SGK1: variants seen among roughly 807,000 people sequenced by gnomAD.
SGK1 encodes the protein serum/glucocorticoid regulated kinase 1, also known as serine/threonine-protein kinase Sgk1.
SGK1 carries 26 observed loss-of-function variants against 64.2 expected under a neutral mutation model. The ratio of observed to expected loss-of-function variants is 0.40; its 90% CI spans 0.30 to 0.56. SGK1 has a LOEUF of 0.56. SGK1 is among the 20% of genes least tolerant of loss of function. The pLI is 0.38. For missense variants in SGK1, 519 were observed against 645.6 expected, an observed-to-expected ratio of 0.80 and a Z score of 2.12; for synonymous variants, 265 against 239.7, an observed-to-expected ratio of 1.11 and a Z score of -0.98.
chr6:134,181,832 C>A (rs1476944083), intron 3 of SGK1, among the ~76,000 whole-genome samples: 1 of 152,136 alleles, frequency 6.6e-6, no homozygotes, highest in East Asian at 1.9e-4. Context: ...TTGGCGACAA[C>A]TGAGGCTTGC....
At chr6:134,222,493 G>A (rs1038334323) in intron 2 of SGK1, among the ~76,000 whole-genome samples, 7 of 151,812 alleles carry the variant, frequency 4.6e-5, no homozygotes, top group African/African-American at 1.2e-4. Context: ...CCACCACCAC[G>A]CCTGGCTAAT....
chr6:134,224,158 C>A (rs565611692), intron 2 of SGK1, among the ~76,000 whole-genome samples: 1 of 152,178 alleles, frequency 6.6e-6, no homozygotes, highest in Non-Finnish European at 1.5e-5. Flanking sequence ...ACCATGAATA[C>A]AGCTTTTACA....
chr6:134,170,458 C>T lies in SGK1; in HGVS notation c.1414-23G>A, dbSNP rs761801421. 3.1e-6 allele frequency: 5 copies of T among 1,600,750 alleles called. No homozygotes were observed. In the South Asian group the frequency reaches 5.5e-5, roughly 18 times the overall value. On this transcript the variant is annotated intron_variant, in intron 13 of 13. Coordinates refer to ENST00000367858, the MANE Select transcript of SGK1 (RefSeq NM_001143676.3). ...ACTCTGTGACGGGAAGGGAAAAACA[C>T]TCTTGTCAAGAACTCACACTAGACA...
In SGK1 at chr6:134,170,406, G is replaced by A; in HGVS notation, c.1443C>T (p.Asp481=). 1 of 1,613,760 alleles carries A rather than the reference G, an allele frequency of 6.2e-7. No homozygotes were observed. The highest frequency in any genetic ancestry group is 1.7e-4 in the Middle Eastern group (1 of 6,040). Residue 481 remains aspartate, a synonymous_variant, in exon 14 of 14, where the codon GAC becomes GAT. Transcript: ENST00000367858. The part of the protein sequence containing the change: ...VSGPNDLRHF[D]PEFTEEPVPN... Reference sequence around the variant, plus strand: ...GGACAGGCTCTTCGGTAAACTCGGGGTCAAAGTGCCGTAGGTCGTTGGGCC... The same window carrying A: ...GGACAGGCTCTTCGGTAAACTCGGGATCAAAGTGCCGTAGGTCGTTGGGCC...
intron 1 of SGK1, among the ~76,000 whole-genome samples, chr6:134,307,405 C>T (rs9493895): frequency 0.13 from 20,025 of 152,152 alleles, 1,682 homozygotes; most frequent in African/African-American, 0.23. Context: ...TATTGACGTT[C>T]GTTGTAGAAA....
At chr6:134,241,760 A>G (rs974376687) in intron 2 of SGK1, among the ~76,000 whole-genome samples, 1 of 152,064 alleles carries the variant, frequency 6.6e-6, no homozygotes, top group East Asian at 1.9e-4. Flanking sequence ...AGCTGGGACT[A>G]CAGGCGCCCG....
At chr6:134,218,848 T>G (rs1776032054) in intron 2 of SGK1, 1 of 151,982 alleles carries the variant, frequency 6.6e-6, no homozygotes, top group Non-Finnish European at 1.5e-5. Flanking sequence ...TTTAAGGGAG[T>G]CCATCTTACC....
At chr6:134,305,109 A>C (rs768182377) in intron 1 of SGK1, among the ~76,000 whole-genome samples, 13 of 152,042 alleles carry the variant, frequency 8.6e-5, no homozygotes, top group Non-Finnish European at 1.5e-4. Context: ...CAATCCCAAA[A>C]CACTTTGGGA....
intron 1 of SGK1, among the ~76,000 whole-genome samples, chr6:134,296,791 A>AC (rs1259307305): frequency 6.6e-6 from 1 of 151,784 alleles, no homozygotes; most frequent in Non-Finnish European, 1.5e-5. Flanking sequence ...AAAAAAAAAA[A>AC]AAAAAAACAG....
intron 3 of SGK1, among the ~76,000 whole-genome samples, chr6:134,182,286 G>A (rs931208736): frequency 6.6e-6 from 1 of 152,008 alleles, no homozygotes; most frequent in East Asian, 1.9e-4. Flanking sequence ...GATGGTTTAT[G>A]CCTGTAATCC....
At chr6:134,311,679 C>T (rs1777610608) in intron 1 of SGK1, among the ~76,000 whole-genome samples, 1 of 151,780 alleles carries the variant, frequency 6.6e-6, no homozygotes, top group Non-Finnish European at 1.5e-5. Flanking sequence ...ACCTTCCTGC[C>T]CTGTGGGAGC....
intron 1 of SGK1, among the ~76,000 whole-genome samples, chr6:134,286,406 C>T (rs145591241): frequency 2.4e-3 from 364 of 152,022 alleles, no homozygotes; most frequent in African/African-American, 8.4e-3. Flanking sequence ...TGCAGTAAGC[C>T]GTGATTGCCA....
At chr6:134,228,595 C>T (rs1570306) in intron 2 of SGK1, among the ~76,000 whole-genome samples, 148,539 of 152,308 alleles carry the variant, frequency 0.98, 72,439 homozygotes, top group East Asian at 1. Context: ...CTTAGCATAA[C>T]AGTATAGGAA....
chr6:134,288,690 C>T (rs1777220173), intron 1 of SGK1, among the ~76,000 whole-genome samples: 1 of 140,578 alleles, frequency 7.1e-6, no homozygotes, highest in Non-Finnish European at 1.5e-5. Flanking sequence ...ATTACAGAGG[C>T]GGTATTCGGA....
At chr6:134,281,519 CTT>C (rs35370292) in intron 1 of SGK1, among the ~76,000 whole-genome samples, 30 of 141,906 alleles carry the variant, frequency 2.1e-4, no homozygotes, top group Admixed American at 2.8e-4. Flanking sequence ...CCAATTTGTT[CTT>C]TTTTTTTTTT....
chr6:134,224,635 A>G (rs1432377742), intron 2 of SGK1, among the ~76,000 whole-genome samples: 1 of 152,124 alleles, frequency 6.6e-6, no homozygotes, highest in Middle Eastern at 3.2e-3. Context: ...TTACAGGGCA[A>G]TGGGAAATAC....
chr6:134,246,581 G>A (rs1051640326), intron 2 of SGK1, among the ~76,000 whole-genome samples: 1 of 152,018 alleles, frequency 6.6e-6, no homozygotes, highest in Non-Finnish European at 1.5e-5. Flanking sequence ...TGTTAAGTTT[G>A]TATTTGTATT....
rs753802242 is a variant in SGK1 at position 134,284,459 on chromosome 6, T to C, written c.70-22311A>G. Reference sequence around the variant, plus strand: ...GCTCACACTTAGAAGTGAGAACATATGATATTTGGCTTTTTCTTTCTTTCT... The same window carrying C: ...GCTCACACTTAGAAGTGAGAACATACGATATTTGGCTTTTTCTTTCTTTCT... On this transcript the variant is annotated intron_variant, in intron 1 of 13. Coordinates refer to ENST00000367858, the MANE Select transcript of SGK1 (RefSeq NM_001143676.3). 3.3e-5 allele frequency among the ~76,000 whole-genome samples: 5 copies of C among 151,184 alleles called. 1 individual carries two copies. Among genetic ancestry groups the C allele is most frequent in the Admixed American group, 1.3e-4 (2 of 15,040 alleles).
At chr6:134,224,278 T>G (rs1393136738) in intron 2 of SGK1, among the ~76,000 whole-genome samples, 1 of 152,206 alleles carries the variant, frequency 6.6e-6, no homozygotes, top group Non-Finnish European at 1.5e-5. Flanking sequence ...CTCTTTGGTA[T>G]TCAGTGGGCA....
Sources: allele counts gnomAD v4.1 joint callset (sites outside exome capture counted in the v4.1 genomes callset), GRCh38; gene constraint gnomAD v4.1.1; transcripts MANE v1.5; gene names NCBI Gene and HGNC (gene_info 2026-07-23, HGNC 2026-07-21).